Variants in CCDC178 observed in about 807,000 individuals in gnomAD.
CCDC178 encodes coiled-coil domain containing 178.
CCDC178 carries 126 observed loss-of-function variants against 117.4 expected under a neutral mutation model. The observed-to-expected ratio is 1.07, with a 90% CI of 0.93 to 1.24. The LOEUF is 1.24. CCDC178 is among the 50% of genes most tolerant of loss of function. CCDC178 has a pLI of 0.00. For synonymous variants in CCDC178, 283 were observed against 313.4 expected, an observed-to-expected ratio of 0.90 and a Z score of 1.02; for missense variants, 1,030 against 986.9, an observed-to-expected ratio of 1.04 and a Z score of -0.59.
intron 21 of CCDC178, among the ~76,000 whole-genome samples, chr18:32,985,831 C>A (rs1177939094): frequency 6.6e-6 from 1 of 151,988 alleles, no homozygotes; most frequent in Non-Finnish European, 1.5e-5. Context: ...TATTTGAAAA[C>A]CTAAGCAGAT....
intron 21 of CCDC178, among the ~76,000 whole-genome samples, chr18:33,018,064 G>A (rs570169644): frequency 5.9e-5 from 9 of 152,064 alleles, no homozygotes; most frequent in African/African-American, 1.9e-4. Context: ...CTTAGAATAC[G>A]CAAGGAACTC....
intron 20 of CCDC178, among the ~76,000 whole-genome samples, chr18:33,105,535 CAT>C (rs1045456780): frequency 1.6e-4 from 25 of 151,560 alleles, no homozygotes; most frequent in African/African-American, 6.0e-4. Flanking sequence ...CCACTTGAGT[CAT>C]GTGTTCTTAA....
At chr18:33,104,532 T>C (rs966551493) in intron 20 of CCDC178, among the ~76,000 whole-genome samples, 3 of 151,734 alleles carry the variant, frequency 2.0e-5, no homozygotes, top group Non-Finnish European at 4.4e-5. Flanking sequence ...TTTAAGGTCC[T>C]CTTGTCACTC....
At chr18:33,052,645 T>C (rs2056765517) in intron 21 of CCDC178, among the ~76,000 whole-genome samples, 1 of 152,170 alleles carries the variant, frequency 6.6e-6, no homozygotes, top group Non-Finnish European at 1.5e-5. Context: ...TGAGGAATAT[T>C]TGGAATTTTT....
chr18:33,076,230 A>G (rs1156966015), intron 21 of CCDC178, among the ~76,000 whole-genome samples: 1 of 152,184 alleles, frequency 6.6e-6, no homozygotes, highest in Non-Finnish European at 1.5e-5. Context: ...CTCAGTCCCG[A>G]CAATCACTTC....
At chr18:33,096,116 AC>A (rs143676048) in intron 20 of CCDC178, among the ~76,000 whole-genome samples, 14 of 140,124 alleles carry the variant, frequency 1.0e-4, no homozygotes, top group South Asian at 4.8e-4. Flanking sequence ...TCTACTCCCC[AC>A]CCCCCCCACT....
rs192573568 is a variant in CCDC178 at position 33,020,837 on chromosome 18, C to T, written c.2389-46156G>A. On this transcript the variant is annotated intron_variant, in intron 21 of 22. Coordinates refer to ENST00000383096, the MANE Select transcript of CCDC178 (RefSeq NM_001105528.4). Reference sequence around the variant, plus strand: ...GTAAGTGAATTTTAGGTTGTATTTACTGACTATATTTATGAAGCCCTAGTG... The same window carrying T: ...GTAAGTGAATTTTAGGTTGTATTTATTGACTATATTTATGAAGCCCTAGTG... Among the ~76,000 whole-genome samples the T allele has an allele frequency of 3.3e-5, 5 of 152,112 alleles. No individual in the cohort carries two copies. In the East Asian group the frequency reaches 9.7e-4, roughly 29 times the overall value.
intron 20 of CCDC178, among the ~76,000 whole-genome samples, chr18:33,187,076 C>T (rs778327382): frequency 7.7e-6 from 1 of 129,210 alleles, no homozygotes; most frequent in Non-Finnish European, 1.6e-5. Context: ...GCACATCTTA[C>T]ATGGCGGCAG....
In CCDC178 at chr18:33,370,041, G is replaced by C; in HGVS notation, c.348+9C>G. ...ACCAAAATATCAGCATTTTAAATTA[G>C]TCTCTTACCCTTTTCAAATGCTCCT... On this transcript the variant is annotated intron_variant, in intron 6 of 22. Transcript: ENST00000383096. 6.5e-7 allele frequency: 1 copy of C among 1,538,522 alleles called. No individual in the cohort carries two copies. Among genetic ancestry groups the C allele is most frequent in the African/African-American group, 1.4e-5 (1 of 70,312 alleles).
intron 2 of CCDC178, among the ~76,000 whole-genome samples, chr18:33,436,017 T>C (rs1002978436): frequency 2.6e-5 from 4 of 152,122 alleles, no homozygotes; most frequent in Non-Finnish European, 5.9e-5. Flanking sequence ...GATGGATACA[T>C]AGTTTTGGGA....
rs148650836 is a variant in CCDC178, at chr18:33,088,369, T to G, written c.2388+4392A>C. ...GATTGTATTGACTCTATATATCAAGTTGGAAATAATGGATATCTTAACAAT... is the reference window on the plus strand; with the variant it reads ...GATTGTATTGACTCTATATATCAAGGTGGAAATAATGGATATCTTAACAAT... On this transcript the variant is annotated intron_variant, in intron 21 of 22. Coordinates refer to ENST00000383096, the MANE Select transcript of CCDC178 (RefSeq NM_001105528.4). 5.4e-3 allele frequency among the ~76,000 whole-genome samples: 818 copies of G among 152,106 alleles called. 7 individuals carry two copies. Among genetic ancestry groups the G allele is most frequent in the African/African-American group, 0.019 (786 of 41,464 alleles).
chr18:32,985,926 G>T (rs1342773428), intron 21 of CCDC178, among the ~76,000 whole-genome samples: 1 of 151,954 alleles, frequency 6.6e-6, no homozygotes, highest in Non-Finnish European at 1.5e-5. Context: ...TACCAATCAT[G>T]CAAGGAACAA....
chr18:33,041,522 C>G (rs901506036), intron 21 of CCDC178, among the ~76,000 whole-genome samples: 1 of 150,406 alleles, frequency 6.6e-6, no homozygotes, highest in African/African-American at 2.4e-5. Flanking sequence ...AAAAAAGAAC[C>G]AAAGTTACTA....
intron 21 of CCDC178, among the ~76,000 whole-genome samples, chr18:32,976,446 A>G (rs2144700168): frequency 6.6e-6 from 1 of 152,220 alleles, no homozygotes; most frequent in Non-Finnish European, 1.5e-5. Context: ...CTAGCCCTGT[A>G]TTACCTAATG....
intron 5 of CCDC178, among the ~76,000 whole-genome samples, chr18:33,387,614 G>A (rs1436724823): frequency 6.6e-6 from 1 of 152,228 alleles, no homozygotes; most frequent in South Asian, 2.1e-4. Flanking sequence ...ATGGGGAAAC[G>A]ATTACCTATT....
intron 21 of CCDC178, among the ~76,000 whole-genome samples, chr18:33,058,385 A>G (rs1003518359): frequency 6.6e-6 from 1 of 152,240 alleles, no homozygotes; most frequent in Non-Finnish European, 1.5e-5. Context: ...TAATAAAAGA[A>G]GCTAGACAAC....
At chr18:33,167,465 T>G (rs1318200605) in intron 20 of CCDC178, among the ~76,000 whole-genome samples, 1 of 152,210 alleles carries the variant, frequency 6.6e-6, no homozygotes, top group Non-Finnish European at 1.5e-5. Context: ...CTGACCAGTA[T>G]GAGACAGTAT....
chr18:33,261,171 C>T (rs1568097011), intron 14 of CCDC178, among the ~76,000 whole-genome samples: 1 of 152,218 alleles, frequency 6.6e-6, no homozygotes, highest in East Asian at 1.9e-4. Flanking sequence ...GCGAGCTCCG[C>T]CTCCTGGGTT....
chr18:33,219,180 C>T (rs982341070), intron 18 of CCDC178, among the ~76,000 whole-genome samples: 1 of 151,908 alleles, frequency 6.6e-6, no homozygotes, highest in Non-Finnish European at 1.5e-5. Flanking sequence ...AAAAAATGCT[C>T]ATCATCACTG....
Sources: allele counts gnomAD v4.1 joint callset (sites outside exome capture counted in the v4.1 genomes callset), GRCh38; gene constraint gnomAD v4.1.1; transcripts MANE v1.5; gene names NCBI Gene and HGNC (gene_info 2026-07-23, HGNC 2026-07-21).